Variants in RYR3 observed in about 807,000 individuals in gnomAD.
RYR3 encodes brain ryanodine receptor-calcium release channel.
Under a neutral mutation model 584.3 loss-of-function variants are expected in RYR3, and 207 were observed. The observed-to-expected ratio is 0.35, with a 90% CI of 0.32 to 0.40. The LOEUF (loss-of-function observed/expected upper bound fraction) is 0.40. RYR3 is among the 10% of genes least tolerant of loss of function. The pLI is 1.00. For synonymous variants in RYR3, 2,416 were observed against 2,248.5 expected, an observed-to-expected ratio of 1.07 and a Z score of -2.11; for missense variants, 5,616 against 6,089.2, an observed-to-expected ratio of 0.92 and a Z score of 2.59.
intron 1 of RYR3, among the ~76,000 whole-genome samples, chr15:33,433,775 G>A (rs2045416292): frequency 6.6e-6 from 1 of 152,100 alleles, no homozygotes; most frequent in South Asian, 2.1e-4. Flanking sequence ...TCAAGCTTTG[G>A]GATGCCCCAT....
At chr15:33,704,582 A>G (rs1475931176) in intron 42 of RYR3, among the ~76,000 whole-genome samples, 1 of 152,208 alleles carries the variant, frequency 6.6e-6, no homozygotes, top group Non-Finnish European at 1.5e-5. Context: ...AAACTCTGTT[A>G]TTCGTACATT....
rs139468315 is a variant in RYR3, at chr15:33,533,313, T to C, written c.357T>C (p.Tyr119=). The C allele has an allele frequency of 1.9e-6, 3 of 1,599,940 alleles. No individual in the cohort carries two copies. The highest frequency in any genetic ancestry group is 2.6e-6 in the Non-Finnish European group (3 of 1,172,218). The change falls in exon 5 of 104, where the codon TAT becomes TAC. Residue 119 remains tyrosine (Y), a splice_region_variant and synonymous_variant. Coordinates refer to ENST00000634891, the MANE Select transcript of RYR3 (RefSeq NM_001036.6). ...TAGTATTTGCTCTTCTTTCACAGTA[T>C]CTAACATGCTTGACTACATCAAGAT... is the stretch of plus-strand genomic sequence containing the variant. The part of the protein sequence containing the change: ...VLLRHSFSGM[Y]LTCLTTSRSQ...
chr15:33,709,620 T>C (rs1479415883), intron 43 of RYR3, among the ~76,000 whole-genome samples: 1 of 152,236 alleles, frequency 6.6e-6, no homozygotes, highest in Non-Finnish European at 1.5e-5. Context: ...TGCTTTCTTG[T>C]GCACACTCTC....
chr15:33,769,060 A>G, intron 61 of RYR3, 52 bp from the exon 62 acceptor site: 1 of 1,394,566 alleles, frequency 7.2e-7, no homozygotes, highest in East Asian at 2.3e-5. Flanking sequence ...ACTGCATTTG[A>G]AAGACAGGCT....
intron 1 of RYR3, among the ~76,000 whole-genome samples, chr15:33,316,546 TA>T (rs1043593109): frequency 7.9e-5 from 12 of 151,366 alleles, no homozygotes; most frequent in Admixed American, 3.3e-4. Context: ...GCTGTAATAA[TA>T]AAAAAAAATG....
In RYR3 at chr15:33,812,909, T is replaced by A. The variant is rs1382454330; in HGVS notation, c.10304T>A (p.Val3435Asp). The A allele has an allele frequency of 2.5e-6, 4 of 1,613,900 alleles. No individual in the cohort carries two copies. The highest frequency in any genetic ancestry group is 3.4e-6 in the Non-Finnish European group (4 of 1,179,876). The change falls in exon 73 of 104, where the codon GTT (valine) becomes GAT (aspartate). Residue 3435 changes from valine to aspartate, a missense_variant. Val to Asp is a radical substitution (Grantham distance 152, BLOSUM62 -3). Transcript: ENST00000634891. ...VKWQLNLYKD[V>D]LKSEEPFNPE... ...TGGCAACTGAACCTCTACAAGGATG[T>A]TCTGAAGAGTGAAGAACCTTTCAAT...
At chr15:33,509,007 T>G (rs1161032520) in intron 3 of RYR3, among the ~76,000 whole-genome samples, 1 of 152,156 alleles carries the variant, frequency 6.6e-6, no homozygotes, top group African/African-American at 2.4e-5. Context: ...GCTATATCCG[T>G]GTAAAGGTCC....
Position 33,311,463 on chromosome 15 carries a change from C to T in RYR3, c.51+367C>T, listed in dbSNP as rs1967267146. On this transcript the variant is annotated intron_variant, in intron 1 of 103. Transcript: ENST00000634891. The surrounding 1 kb of genome is among the most constrained non-coding windows in gnomAD (Gnocchi z 4.4). ...TAAGATCGGCGTTGGAAGCCCTCGC[C>T]CCGGGGTCGGCCCTCTGACACCTCC... Among the ~76,000 whole-genome samples, 1 of 152,202 alleles carries T rather than the reference C, an allele frequency of 6.6e-6. No individual in the cohort carries two copies. Among genetic ancestry groups the T allele is most frequent in the Non-Finnish European group, 1.5e-5 (1 of 68,034 alleles).
chr15:33,326,554 G>A (rs993249836), intron 1 of RYR3, among the ~76,000 whole-genome samples: 1 of 152,218 alleles, frequency 6.6e-6, no homozygotes, highest in Non-Finnish European at 1.5e-5. Context: ...GGGAACATTT[G>A]AACTGGGGGT....
At chr15:33,480,347 G>C (rs1163647174) in intron 2 of RYR3, among the ~76,000 whole-genome samples, 1 of 152,200 alleles carries the variant, frequency 6.6e-6, no homozygotes, top group Non-Finnish European at 1.5e-5. Context: ...TTATTATGAA[G>C]ATTCAGTGAC....
chr15:33,497,943 A>G (rs1032426680), intron 2 of RYR3, among the ~76,000 whole-genome samples: 1 of 152,180 alleles, frequency 6.6e-6, no homozygotes, highest in African/African-American at 2.4e-5. Flanking sequence ...TTAATTCCAC[A>G]TGTGAGTGAG....
At chr15:33,676,241 TAA>T (rs10690504) in intron 38 of RYR3, among the ~76,000 whole-genome samples, 14 of 143,290 alleles carry the variant, frequency 9.8e-5, no homozygotes, top group Admixed American at 2.8e-4. Context: ...CTCTAGAAGG[TAA>T]AAAAAAAAAA....
At chr15:33,426,314 T>C (rs1416443387) in intron 1 of RYR3, among the ~76,000 whole-genome samples, 8 of 152,166 alleles carry the variant, frequency 5.3e-5, no homozygotes, top group Non-Finnish European at 4.4e-5. Flanking sequence ...GTGGCAAATG[T>C]GGGCATCCCC....
At chr15:33,831,833 A>G (rs2077696079) in intron 86 of RYR3, among the ~76,000 whole-genome samples, 1 of 152,150 alleles carries the variant, frequency 6.6e-6, no homozygotes, top group Non-Finnish European at 1.5e-5. Context: ...GATTACCATA[A>G]TCAGGAGACT....
intron 4 of RYR3, among the ~76,000 whole-genome samples, chr15:33,533,015 G>T (rs2055016121): frequency 6.6e-6 from 1 of 152,154 alleles, no homozygotes; most frequent in African/African-American, 2.4e-5. Context: ...TACTTGGGAG[G>T]CTGAGGTGGG....
intron 74 of RYR3, 47 bp downstream of exon 74, chr15:33,813,626 T>A: frequency 7.1e-7 from 1 of 1,415,716 alleles, no homozygotes. Context: ...GCGATGGGAA[T>A]GGAGGTATCC....
Position 33,801,902 on chromosome 15 carries a change from C to G in RYR3, c.9952C>G (p.Gln3318Glu), listed in dbSNP as rs1249448994. The G allele has an allele frequency of 3.2e-6, 5 of 1,579,986 alleles. No homozygotes were observed. The African/African-American group carries it at 4.0e-5, about 13-fold the overall frequency. ...GAGAGAAGAGCAAAATTTTGTGATT[C>G]AGAATGAAATTAATAATTTGGCATT... ...FKREEQNFVI[Q>E]NEINNLAFLT... The change falls in exon 69 of 104, where the codon CAG becomes GAG. Residue 3318 changes from glutamine to glutamate, a missense_variant. Physicochemically the swap from Gln to Glu is conservative, Grantham distance 29. Around this residue, in one of 9 missense-constraint regions of RYR3, gnomAD observed 954 missense variants for 1,132.2 expected, o/e 0.84. Transcript: ENST00000634891.
intron 90 of RYR3, 125 bp from the exon 91 acceptor site, chr15:33,841,739 C>T (rs2078378419): frequency 7.6e-6 from 7 of 924,630 alleles, no homozygotes; most frequent in Non-Finnish European, 1.1e-5. Flanking sequence ...CCTGAAGTTT[C>T]CACCTTCAAG....
chr15:33,565,865 G>C (rs888868666), intron 11 of RYR3, among the ~76,000 whole-genome samples: 1 of 152,200 alleles, frequency 6.6e-6, no homozygotes, highest in African/African-American at 2.4e-5. Flanking sequence ...GTGACAAGTA[G>C]ATACTCTTAG....
Sources: gnomAD v4.1 joint callset for allele counts (sites outside exome capture counted in the v4.1 genomes callset) on GRCh38, gnomAD v4.1.1 for gene constraint, gnomAD v4.1.1 regional missense constraint, Gnocchi (gnomAD v3.1) non-coding constraint, MANE v1.5 for transcripts, NCBI Gene and HGNC (gene_info 2026-07-23, HGNC 2026-07-21) for gene names.